NOS1AP: variants seen among roughly 807,000 people sequenced by gnomAD.
NOS1AP encodes the protein nitric oxide synthase 1 adaptor protein, also known as carboxyl-terminal PDZ ligand of neuronal nitric oxide synthase protein.
Under a neutral mutation model 56.2 loss-of-function variants are expected in NOS1AP, and 21 were observed. The observed-to-expected ratio is 0.37, with a 90% CI of 0.26 to 0.54. The LOEUF (loss-of-function observed/expected upper bound fraction) is 0.54. Among genes scored for constraint, NOS1AP ranks in the 20% least tolerant of loss-of-function variants. The pLI is 0.84. For missense variants in NOS1AP, 522 were observed against 657.8 expected (o/e 0.79, Z 2.26); for synonymous variants, 270 against 274.6 (o/e 0.98, Z 0.17).
At chr1:162,161,929 TA>T (rs1650242319) in intron 2 of NOS1AP, among the ~76,000 whole-genome samples, 1 of 152,250 alleles carries the variant, frequency 6.6e-6, no homozygotes, top group South Asian at 2.1e-4. Flanking sequence ...CAGTTGCCTC[TA>T]GGGCAATTAT....
Position 162,191,802 on chromosome 1 carries a change from G to A in NOS1AP, c.177+37326G>A, listed in dbSNP as rs1381203344. Among the ~76,000 whole-genome samples the A allele has an allele frequency of 4.6e-5, 7 of 152,082 alleles. No homozygotes were observed. In the East Asian group the frequency reaches 1.3e-3, roughly 29 times the overall value. ...AGTTGGCCCATTAATTTTAATTATGGTAATAATGTCATTGAAATCACACCA... is the reference window on the plus strand; with the variant it reads ...AGTTGGCCCATTAATTTTAATTATGATAATAATGTCATTGAAATCACACCA... On this transcript the variant is annotated intron_variant, in intron 2 of 9. Coordinates refer to ENST00000361897, the MANE Select transcript of NOS1AP (RefSeq NM_014697.3).
At position 162,321,731 on chromosome 1, in the gene NOS1AP, A is replaced by AAAAAATAT. The variant is rs1480278757; in HGVS notation, c.345-11285_345-11284insAAAATATA. 3.9e-5 allele frequency among the ~76,000 whole-genome samples: 5 copies of AAAAAATAT among 128,488 alleles called. No homozygotes were observed. In the South Asian group the frequency reaches 7.7e-4, roughly 20 times the overall value. The allele number at this position is 128,488 out of a possible 152,430, so 84.3% of individuals were successfully genotyped here. On this transcript the variant is annotated intron_variant, in intron 4 of 9. Transcript: ENST00000361897. ...CTTAAAGTATAATTAAAAAAAAAAA[A>AAAAAATAT]ATATATATATATATATATATAAAAG...
chr1:162,135,304 A>C (rs6663393), intron 1 of NOS1AP, among the ~76,000 whole-genome samples: 35,814 of 152,114 alleles, frequency 0.24, 7,854 homozygotes, highest in African/African-American at 0.59. Flanking sequence ...TCATGTCAGG[A>C]TGCAGGCTAC....
intron 3 of NOS1AP, among the ~76,000 whole-genome samples, chr1:162,290,044 G>T (rs568029772): frequency 2.0e-5 from 3 of 152,234 alleles, no homozygotes; most frequent in South Asian, 4.1e-4. Flanking sequence ...AAGCCTCCCT[G>T]CCTCCACTAA....
At chr1:162,094,950 G>A (rs1460246944) in intron 1 of NOS1AP, among the ~76,000 whole-genome samples, 1 of 152,204 alleles carries the variant, frequency 6.6e-6, no homozygotes, top group Non-Finnish European at 1.5e-5. Flanking sequence ...GGGATGGGGT[G>A]TAACGGGTGG....
intron 2 of NOS1AP, among the ~76,000 whole-genome samples, chr1:162,221,530 GCGCGCACA>G (rs1314397105): frequency 0.038 from 2,375 of 62,522 alleles, 86 homozygotes; most frequent in African/African-American, 0.085. Flanking sequence ...GCACACACAC[GCGCGCACA>G]CACACACACA....
chr1:162,289,050 T>C (rs980204391), intron 3 of NOS1AP, among the ~76,000 whole-genome samples: 2 of 152,260 alleles, frequency 1.3e-5, no homozygotes, highest in Non-Finnish European at 2.9e-5. Context: ...GAGCAAAAGA[T>C]ATCCTCAGAG....
chr1:162,217,815 C>T (rs1423805005), intron 2 of NOS1AP, among the ~76,000 whole-genome samples: 1 of 152,166 alleles, frequency 6.6e-6, no homozygotes, highest in Non-Finnish European at 1.5e-5. Context: ...TAACCTGCTG[C>T]CTGGTTTATG....
At chr1:162,118,364 T>C (rs1367570591) in intron 1 of NOS1AP, among the ~76,000 whole-genome samples, 2 of 152,228 alleles carry the variant, frequency 1.3e-5, no homozygotes, top group Non-Finnish European at 2.9e-5. Context: ...ATTTGGTTTT[T>C]CCATTCTTGC....
At position 162,139,994 on chromosome 1, in the gene NOS1AP, A is replaced by C. The variant is rs140276962; in HGVS notation, c.106-14411A>C. Among the ~76,000 whole-genome samples the C allele has an allele frequency of 1.9e-4, 29 of 152,050 alleles. 1 individual carries two copies. Among genetic ancestry groups the C allele is most frequent in the African/African-American group, 6.5e-4 (27 of 41,460 alleles). On this transcript the variant is annotated intron_variant, in intron 1 of 9. Transcript: ENST00000361897. ...AGGTGTGCACCACCACACGCAGCTA[A>C]TTTTTTGTATTTTCAGTAGAGACAA...
At chr1:162,186,929 G>A (rs189615062) in intron 2 of NOS1AP, among the ~76,000 whole-genome samples, 1 of 152,212 alleles carries the variant, frequency 6.6e-6, no homozygotes, top group Admixed American at 6.5e-5. Context: ...TATGCATAAA[G>A]GTTTTTTTGT....
chr1:162,368,791 T>C lies in NOS1AP; in HGVS notation c.*1324T>C, dbSNP rs164149. On this transcript the variant is annotated 3_prime_UTR_variant, in exon 10 of 10. Coordinates refer to ENST00000361897, the MANE Select transcript of NOS1AP (RefSeq NM_014697.3). The stretch of plus-strand genomic sequence containing the variant: ...ATTGCTGAGACCTGCTAGAGTCATA[T>C]GTTCGGGGAATTAAGTCTTTATCCT... 70,548 of 152,152 alleles carry C rather than the reference T, an allele frequency of 0.46. 16,549 individuals carry two copies. The highest frequency in any genetic ancestry group is 0.53 in the Middle Eastern group (156 of 294). The allele number at this position is 152,152 out of a possible 1,614,324, so 9.4% of individuals were successfully genotyped here. A position where few individuals can be genotyped will look rare whatever the true frequency, so the allele number is the denominator to read the frequency against.
chr1:162,269,534 G>A (rs1466731503), intron 2 of NOS1AP, among the ~76,000 whole-genome samples: 1 of 152,162 alleles, frequency 6.6e-6, no homozygotes, highest in Non-Finnish European at 1.5e-5. Context: ...ATATCTTCCT[G>A]ATCAGGAAAG....
intron 2 of NOS1AP, among the ~76,000 whole-genome samples, chr1:162,236,579 A>G (rs1413016180): frequency 2.6e-5 from 4 of 152,196 alleles, no homozygotes; most frequent in Admixed American, 6.5e-5. Context: ...ATGAGGAAGC[A>G]GGGCAAGTCA....
At chr1:162,249,962 A>T (rs1449686765) in intron 2 of NOS1AP, among the ~76,000 whole-genome samples, 1 of 152,182 alleles carries the variant, frequency 6.6e-6, no homozygotes, top group Non-Finnish European at 1.5e-5. Flanking sequence ...TTGAAGAGAC[A>T]TCCCTATGTC....
At chr1:162,361,669 T>G (rs112586701) in intron 8 of NOS1AP, among the ~76,000 whole-genome samples, 2,128 of 152,236 alleles carry the variant, frequency 0.014, 54 homozygotes, top group African/African-American at 0.048. Flanking sequence ...TGTAACTGGG[T>G]TTACAGAGGT....
At chr1:162,361,690 T>C (rs1481301454) in intron 8 of NOS1AP, among the ~76,000 whole-genome samples, 1 of 152,212 alleles carries the variant, frequency 6.6e-6, no homozygotes, top group East Asian at 1.9e-4. Context: ...AAAACTCTTA[T>C]TTAATCTGGT....
At chr1:162,360,586 A>G in intron 8 of NOS1AP, 1 of 351,126 alleles carries the variant, frequency 2.8e-6, no homozygotes, top group Non-Finnish European at 5.6e-6. Flanking sequence ...ACCTGCTGCC[A>G]CTTCTGTTTG....
rs1691801183 is a variant in NOS1AP at position 162,077,716 on chromosome 1, C to T, written c.105+7434C>T. 2.1e-5 allele frequency among the ~76,000 whole-genome samples: 3 copies of T among 139,868 alleles called. No individual in the cohort carries two copies. The South Asian group carries it at 7.8e-4, about 36-fold the overall frequency. 91.8% of individuals were successfully genotyped at this position (139,868 alleles called of 152,430 possible). ...CCCCACCCCCACCCTGGCACAGTTA[C>T]ATCTCCTGGGCACTGGCTTACTCCT... On this transcript the variant is annotated intron_variant, in intron 1 of 9. Transcript: ENST00000361897.
Sources: gnomAD v4.1 joint callset for allele counts (sites outside exome capture counted in the v4.1 genomes callset) on GRCh38, gnomAD v4.1.1 for gene constraint, MANE v1.5 for transcripts, NCBI Gene and HGNC (gene_info 2026-07-23, HGNC 2026-07-21) for gene names.